Variants in GLS2 observed in about 807,000 individuals in gnomAD.
The protein encoded by GLS2 is glutaminase 2.
In GLS2, 52 loss-of-function variants were observed where a neutral mutation model predicts 79.0. The observed-to-expected ratio is 0.66, with a 90% confidence interval of 0.53 to 0.83. GLS2 has a LOEUF of 0.83. Among genes scored for constraint, GLS2 ranks in the 40% least tolerant of loss-of-function variants. The pLI, the probability that GLS2 is intolerant of heterozygous loss-of-function variation, is 0.00. For synonymous variants in GLS2, 238 were observed against 280.8 expected, an observed-to-expected ratio of 0.85 and a Z score of 1.52; for missense variants, 561 against 764.8, an observed-to-expected ratio of 0.73 and a Z score of 3.14.
chr12:56,488,082 G>T lies in GLS2; in HGVS notation c.37C>A (p.Arg13=). The T allele has an allele frequency of 6.4e-7, 1 of 1,571,102 alleles. No individual in the cohort carries two copies. Among genetic ancestry groups the T allele is most frequent in the Non-Finnish European group, 8.6e-7 (1 of 1,165,448 alleles). The change falls in exon 1 of 18, where the codon CGG becomes AGG. Residue 13 remains arginine (R), a synonymous_variant. Transcript: ENST00000311966. ...SMKALQKALS[R]AGSHCGRGGW... is the part of the protein sequence containing the mutation. Reference sequence around the variant, plus strand: ...CCTCGCCCGCAGTGACTGCCAGCCCGGCTCAGGGCCTTCTGCAGAGCCTTC... The same window carrying T: ...CCTCGCCCGCAGTGACTGCCAGCCCTGCTCAGGGCCTTCTGCAGAGCCTTC...
chr12:56,475,242 C>T (rs1442435680), intron 9 of GLS2, 132 bp from the exon 10 acceptor site: 1 of 1,583,454 alleles, frequency 6.3e-7, no homozygotes, highest in Non-Finnish European at 8.5e-7. Context: ...TAACTTCTCA[C>T]AGTAATATTA....
At chr12:56,472,237 C>T (rs1181836707) in intron 15 of GLS2, 42 bp from the exon 16 acceptor site, 2 of 1,574,276 alleles carry the variant, frequency 1.3e-6, no homozygotes, top group Non-Finnish European at 1.7e-6. Flanking sequence ...CTAGATCAGA[C>T]TGGAATCACA....
Position 56,471,848 on chromosome 12 carries a change from G to A in GLS2, c.1589-12C>T, listed in dbSNP as rs1869301393. ...AACTTCGATGTGTCCTAGGAATATG[G>A]GCAGAAGGAAAATGAGAAGGCGCAG... is the stretch of plus-strand genomic sequence containing the variant. On this transcript the variant is annotated splice_polypyrimidine_tract_variant and intron_variant, in intron 16 of 17. Transcript: ENST00000311966. The A allele has an allele frequency of 6.2e-7, 1 of 1,613,402 alleles. No individual in the cohort carries two copies. The highest frequency in any genetic ancestry group is 8.5e-7 in the Non-Finnish European group (1 of 1,179,770).
chr12:56,474,965 C>G, intron 10 of GLS2, 69 bp from the exon 11 acceptor site: 1 of 1,613,722 alleles, frequency 6.2e-7, no homozygotes, highest in Admixed American at 1.7e-5. Flanking sequence ...AGGGTCTCAG[C>G]TGAAGCCCCC....
In GLS2 at chr12:56,471,407, A is replaced by G. The variant is rs1869245356; in HGVS notation, c.*80T>C. On this transcript the variant is annotated 3_prime_UTR_variant, in exon 18 of 18. Coordinates refer to ENST00000311966, the MANE Select transcript of GLS2 (RefSeq NM_013267.4). ...CCCCACTGAAGCAGTGTAGCTCTCC[A>G]TAGTATTTTTGGTGGTTATGGATTA... The G allele has an allele frequency of 2.1e-6, 3 of 1,439,346 alleles. No individual in the cohort carries two copies. The highest frequency in any genetic ancestry group is 2.8e-6 in the Non-Finnish European group (3 of 1,066,798). The allele number at this position is 1,439,346 out of a possible 1,614,324, so 89.2% of individuals were successfully genotyped here. A position where few individuals can be genotyped will look rare whatever the true frequency, so the allele number is the denominator to read the frequency against.
intron 1 of GLS2, among the ~76,000 whole-genome samples, chr12:56,485,853 C>A (rs1246574399): frequency 6.6e-6 from 1 of 151,704 alleles, no homozygotes; most frequent in African/African-American, 2.4e-5. Flanking sequence ...ACCAGCCTGG[C>A]CAACATGGTG....
At chr12:56,483,608 T>G (rs1340963609) in intron 1 of GLS2, among the ~76,000 whole-genome samples, 1 of 152,048 alleles carries the variant, frequency 6.6e-6, no homozygotes, top group East Asian at 1.9e-4. Flanking sequence ...TGGTAGTATT[T>G]ATGTTTGTTT....
chr12:56,479,737 G>A (rs1870131805), intron 3 of GLS2, 43 bp downstream of exon 3: 2 of 1,561,312 alleles, frequency 1.3e-6, no homozygotes, highest in South Asian at 2.3e-5. Context: ...ATGTCCACAG[G>A]ACAGTTTTCA....
intron 5 of GLS2, 26 bp downstream of exon 5, chr12:56,478,157 C>A: frequency 6.2e-7 from 1 of 1,614,236 alleles, no homozygotes; most frequent in Non-Finnish European, 8.5e-7. Flanking sequence ...TGCCCTGCCT[C>A]CCCTTCCTCT....
Position 56,475,030 on chromosome 12 carries a change from C to G in GLS2, c.996+14G>C. The G allele has an allele frequency of 6.2e-7, 1 of 1,614,120 alleles. No homozygotes were observed. The highest frequency in any genetic ancestry group is 8.5e-7 in the Non-Finnish European group (1 of 1,180,050). On this transcript the variant is annotated intron_variant, in intron 10 of 17. Transcript: ENST00000311966. ...AATTCCCAGGGACTTTCTCTTCCGGCCTCTTCTGGTTACCTTCTTTTCCTT... is the reference window on the plus strand; with the variant it reads ...AATTCCCAGGGACTTTCTCTTCCGGGCTCTTCTGGTTACCTTCTTTTCCTT...
At position 56,477,702 on chromosome 12, in the gene GLS2, G is replaced by A. The variant is rs778272028; in HGVS notation, c.795C>T (p.Pro265=). ...CAACAATGGCACCAGCATTGACCAT[G>A]GGGTTATGGGGGATTCCTGGGGAAA... ...SLNEEGIPHN[P]MVNAGAIVVS... Residue 265 remains proline (P), a synonymous_variant, in exon 7 of 18, where the codon CCC becomes CCT. Transcript: ENST00000311966. The A allele has an allele frequency of 6.2e-7, 1 of 1,613,246 alleles. No homozygotes were observed. The highest frequency in any genetic ancestry group is 1.7e-5 in the Admixed American group (1 of 59,804).
At chr12:56,471,926 G>T in intron 16 of GLS2, 90 bp from the exon 17 acceptor site, 1 of 1,429,712 alleles carries the variant, frequency 7.0e-7, no homozygotes. Context: ...TACCAAGAGG[G>T]GAGGGGAAAA....
chr12:56,475,195 GAACTACATCACA>G, intron 9 of GLS2, 85 bp from the exon 10 acceptor site: 1 of 1,605,534 alleles, frequency 6.2e-7, no homozygotes, highest in Admixed American at 1.7e-5. Context: ...TGGAGAGACA[GAACTACATCACA>G]CCACAAACTA....
chr12:56,482,917 A>G (rs531842969), intron 1 of GLS2, among the ~76,000 whole-genome samples: 1 of 152,166 alleles, frequency 6.6e-6, no homozygotes, highest in East Asian at 1.9e-4. Context: ...ATTTTATCAG[A>G]TTATTTCCAA....
Position 56,478,142 on chromosome 12 carries a change from A to G in GLS2, c.614+41T>C. On this transcript the variant is annotated intron_variant, in intron 5 of 17. Coordinates refer to ENST00000311966, the MANE Select transcript of GLS2 (RefSeq NM_013267.4). ...TGAAAGGGGTTGGCCTGTGTTCGGC[A>G]CCTGTGCCCTGCCTCCCCTTCCTCT... The G allele has an allele frequency of 2.5e-6, 4 of 1,614,130 alleles. No individual in the cohort carries two copies. In the South Asian group the frequency reaches 4.4e-5, roughly 18 times the overall value.
Position 56,481,199 on chromosome 12 carries a change from C to CTTTTTTTT in GLS2, c.183-820_183-813dup, listed in dbSNP as rs767616017. Reference sequence around the variant, plus strand: ...CCACCTTCTAAAATGTGCCAGTGATCTTTTTTTTTTTTTTTTTTTTTTTTG... The same window carrying CTTTTTTTT: ...CCACCTTCTAAAATGTGCCAGTGATCTTTTTTTTTTTTTTTTTTTTTTTTTTTTTTTTG... On this transcript the variant is annotated intron_variant, in intron 1 of 17. Transcript: ENST00000311966. 2.9e-4 allele frequency among the ~76,000 whole-genome samples: 23 copies of CTTTTTTTT among 79,022 alleles called. 1 individual carries two copies. The highest frequency in any genetic ancestry group is 8.7e-4 in the East Asian group (2 of 2,286). 51.8% of individuals were successfully genotyped at this position (79,022 alleles called of 152,430 possible). A position where few individuals can be genotyped will look rare whatever the true frequency, so the allele number is the denominator to read the frequency against.
At chr12:56,472,400 A>C in intron 15 of GLS2, 1 of 610,668 alleles carries the variant, frequency 1.6e-6, no homozygotes, top group Non-Finnish European at 2.9e-6. Context: ...ATCCTTCCAG[A>C]AATATCACTC....
At chr12:56,481,223 T>TG (rs1555182618) in intron 1 of GLS2, among the ~76,000 whole-genome samples, 1 of 148,200 alleles carries the variant, frequency 6.7e-6, no homozygotes, top group Non-Finnish European at 1.5e-5. Flanking sequence ...TTTTTTTTTT[T>TG]GAGACGGAGT....
chr12:56,474,974 C>G (rs1869671667), intron 10 of GLS2, 70 bp downstream of exon 10: 1 of 1,613,640 alleles, frequency 6.2e-7, no homozygotes, highest in African/African-American at 1.3e-5. Flanking sequence ...GCTGAAGCCC[C>G]CAACCCCTAC....
Sources: allele counts gnomAD v4.1 joint callset (sites outside exome capture counted in the v4.1 genomes callset), GRCh38; gene constraint gnomAD v4.1.1; transcripts MANE v1.5; gene names NCBI Gene and HGNC (gene_info 2026-07-23, HGNC 2026-07-21).